The following LIMS2 variants were observed in gnomAD, a reference collection of about 807,000 sequenced individuals.
LIMS2 encodes LIM zinc finger domain containing 2.
LIMS2 carries 30 observed loss-of-function variants against 45.3 expected under a neutral mutation model. That is an observed-to-expected ratio of 0.66 (90% CI 0.50 to 0.90). LIMS2 has a LOEUF of 0.90. Among genes scored for constraint, LIMS2 ranks in the 40% least tolerant of loss-of-function variants. The probability of loss-of-function intolerance (pLI) is 0.00; values close to 1 mark genes in which losing one functional copy is unlikely to be tolerated. For missense variants in LIMS2, 485 were observed against 468.7 expected, an observed-to-expected ratio of 1.03 and a Z score of -0.32; for synonymous variants, 173 against 188.0, an observed-to-expected ratio of 0.92 and a Z score of 0.65.
At position 127,647,977 on chromosome 2, in the gene LIMS2, C is replaced by A; in HGVS notation, c.360-4905G>T. ...CTCTCCTCCACAGCCCCCTTCACAGCCCTCAGCCCTTCCCCAGGGCTTCAG... is the reference window on the plus strand; with the variant it reads ...CTCTCCTCCACAGCCCCCTTCACAGACCTCAGCCCTTCCCCAGGGCTTCAG... On this transcript the variant is annotated intron_variant, in intron 4 of 9. Transcript: ENST00000355119. This position sits in a 1 kb window ranked among gnomAD's most constrained non-coding sequence, Gnocchi z 4.3. 1 of 973,198 alleles carries A rather than the reference C, an allele frequency of 1.0e-6. No homozygotes were observed. Among genetic ancestry groups the A allele is most frequent in the Non-Finnish European group, 1.2e-6 (1 of 818,730 alleles). 60.3% of individuals were successfully genotyped at this position (973,198 alleles called of 1,614,324 possible).
chr2:127,651,927 A>C lies in LIMS2; in HGVS notation c.359+2497T>G, dbSNP rs577635979. 6 of 664,998 alleles carry C rather than the reference A, an allele frequency of 9.0e-6. No homozygotes were observed. The Admixed American group carries it at 1.8e-4, about 19-fold the overall frequency. The allele number at this position is 664,998 out of a possible 1,614,324, so 41.2% of individuals were successfully genotyped here. ...AACCCATAAAAAGGAAGAACTGACA[A>C]AGGGGATCCATCGGCCACCCCTCTG... On this transcript the variant is annotated intron_variant, in intron 4 of 9. Coordinates refer to ENST00000355119, the MANE Select transcript of LIMS2 (RefSeq NM_001161403.3).
chr2:127,670,490 A>G (rs1462773284), intron 1 of LIMS2, among the ~76,000 whole-genome samples: 1 of 152,188 alleles, frequency 6.6e-6, no homozygotes, highest in Non-Finnish European at 1.5e-5. Context: ...GGAAATGAGG[A>G]CTGTCTGCAA....
chr2:127,651,287 G>A (rs1380423336), intron 4 of LIMS2: 11 of 1,607,716 alleles, frequency 6.8e-6, no homozygotes, highest in Non-Finnish European at 8.5e-6. Flanking sequence ...GCCTGCAGCT[G>A]TACCGGGAGA....
chr2:127,651,308 C>T (rs777064497), intron 4 of LIMS2: 1 of 1,609,720 alleles, frequency 6.2e-7, no homozygotes, highest in Non-Finnish European at 8.5e-7. Flanking sequence ...AGGCCTCCCA[C>T]CATGCCCTGG....
chr2:127,639,313 G>T lies in LIMS2; in HGVS notation c.994C>A (p.Gln332Lys). The T allele has an allele frequency of 1.2e-6, 2 of 1,613,892 alleles. No individual in the cohort carries two copies. The highest frequency in any genetic ancestry group is 1.7e-6 in the Non-Finnish European group (2 of 1,179,916). Residue 332 changes from glutamine (Q) to lysine (K), a missense_variant, in exon 10 of 10, where the codon CAG (glutamine) becomes AAG (lysine). Coordinates refer to ENST00000355119, the MANE Select transcript of LIMS2 (RefSeq NM_001161403.3). ...KLSELTSRKA[Q>K]PKATDLNSA ...GAGTTGAGGTCTGTGGCCTTGGGCT[G>T]GGCCTTGCGGGAGGTCAGCTCCGAC...
At chr2:127,669,236 C>T (rs750331155) in intron 1 of LIMS2, among the ~76,000 whole-genome samples, 2 of 152,106 alleles carry the variant, frequency 1.3e-5, no homozygotes, top group Admixed American at 6.6e-5. Context: ...TATAAAACTC[C>T]TAGAAGAAAA....
At chr2:127,675,584 G>A (rs1005013097), upstream of LIMS2, among the ~76,000 whole-genome samples, 3 of 152,052 alleles carry the variant, frequency 2.0e-5, no homozygotes, top group Admixed American at 2.0e-4. Context: ...TAATAAACGC[G>A]AACAAGCACC....
Position 127,639,270 on chromosome 2 carries a change from C to G in LIMS2, c.*11G>C, listed in dbSNP as rs1241994547. 6.2e-7 allele frequency: 1 copy of G among 1,612,572 alleles called. No homozygotes were observed. Among genetic ancestry groups the G allele is most frequent in the Non-Finnish European group, 8.5e-7 (1 of 1,179,390 alleles). ...GCGGAGGGGCCGAGAGGCAGCTGCGCAAGAGGGCCTTCAGGCAGAGTTGAG... is the reference window on the plus strand; with the variant it reads ...GCGGAGGGGCCGAGAGGCAGCTGCGGAAGAGGGCCTTCAGGCAGAGTTGAG... On this transcript the variant is annotated 3_prime_UTR_variant, in exon 10 of 10. Coordinates refer to ENST00000355119, the MANE Select transcript of LIMS2 (RefSeq NM_001161403.3).
At chr2:127,679,674 G>A (rs536796031), upstream of LIMS2, among the ~76,000 whole-genome samples, 904 of 152,248 alleles carry the variant, frequency 5.9e-3, 14 homozygotes, top group African/African-American at 0.02. This position sits in a 1 kb window ranked among gnomAD's most constrained non-coding sequence, Gnocchi z 5.3. Flanking sequence ...CCCAACGCTC[G>A]TGGGAGCTGG....
upstream of LIMS2, among the ~76,000 whole-genome samples, chr2:127,679,211 C>G (rs1685563624): frequency 6.6e-6 from 1 of 152,134 alleles, no homozygotes; most frequent in South Asian, 2.1e-4. The surrounding 1 kb of genome is among the most constrained non-coding windows in gnomAD (Gnocchi z 5.3). Flanking sequence ...AATGCCTCCC[C>G]CAGGAGCACC....
In LIMS2 at chr2:127,639,396, A is replaced by G; in HGVS notation, c.911T>C (p.Val304Ala). The G allele has an allele frequency of 6.2e-7, 1 of 1,613,878 alleles. No individual in the cohort carries two copies. Among genetic ancestry groups the G allele is most frequent in the Non-Finnish European group, 8.5e-7 (1 of 1,179,892 alleles). The change falls in exon 10 of 10, where the codon GTG becomes GCG. Residue 304 changes from valine to alanine, a missense_variant. Physicochemically the swap from Val to Ala is moderately conservative, Grantham distance 64. Coordinates refer to ENST00000355119, the MANE Select transcript of LIMS2 (RefSeq NM_001161403.3). ...GAACTTCTCGTAGCACCTCTTACAC[A>G]CGGGCTTCATGTCGAACTCCACAAA... ...NKFVEFDMKP[V>A]CKRCYEKFPL...
At chr2:127,646,518 AG>A (rs1359199368) in intron 4 of LIMS2, 2 of 152,252 alleles carry the variant, frequency 1.3e-5, no homozygotes, top group Non-Finnish European at 2.9e-5. Flanking sequence ...ACCATTAGGC[AG>A]CCTTGACCCA....
rs1254731844 is a variant in LIMS2 at position 127,672,175 on chromosome 2, T to C, written c.11+2839A>G. ...TGGGTGTCAACATCCCAGGCTCCAT[T>C]TCCAGGAATGCCAGGGACAGCTGGG... On this transcript the variant is annotated intron_variant, in intron 1 of 9. Coordinates refer to ENST00000355119, the MANE Select transcript of LIMS2 (RefSeq NM_001161403.3). The surrounding 1 kb of genome is among the most constrained non-coding windows in gnomAD (Gnocchi z 4.9). Among the ~76,000 whole-genome samples, 1 of 152,206 alleles carries C rather than the reference T, an allele frequency of 6.6e-6. No homozygotes were observed. The highest frequency in any genetic ancestry group is 1.5e-5 in the Non-Finnish European group (1 of 68,034).
chr2:127,673,831 A>T (rs1429328720), intron 1 of LIMS2: 2 of 1,209,120 alleles, frequency 1.7e-6, no homozygotes, highest in African/African-American at 3.0e-5. Context: ...CTAGGGGGTG[A>T]CCACAGGCAG....
intron 4 of LIMS2, among the ~76,000 whole-genome samples, chr2:127,648,548 A>T (rs1364696106): frequency 6.6e-6 from 1 of 152,128 alleles, no homozygotes; most frequent in Admixed American, 6.5e-5. Context: ...GTCCATGAAC[A>T]GTCACCATGC....
In LIMS2 at chr2:127,671,706, C is replaced by T. The variant is rs532835410; in HGVS notation, c.11+3308G>A. ...CCTCCATCCCTATTATGCCACTGGCCGGCTAGAAGGGGCCAGTCAGCACCA... is the reference window on the plus strand; with the variant it reads ...CCTCCATCCCTATTATGCCACTGGCTGGCTAGAAGGGGCCAGTCAGCACCA... On this transcript the variant is annotated intron_variant, in intron 1 of 9. Coordinates refer to ENST00000355119, the MANE Select transcript of LIMS2 (RefSeq NM_001161403.3). This position sits in a 1 kb window ranked among gnomAD's most constrained non-coding sequence, Gnocchi z 4.1. 1.8e-4 allele frequency among the ~76,000 whole-genome samples: 27 copies of T among 152,312 alleles called. No individual in the cohort carries two copies. In the South Asian group the frequency reaches 4.1e-3, roughly 23 times the overall value.
chr2:127,659,767 T>A (rs1558893270), intron 1 of LIMS2, among the ~76,000 whole-genome samples: 1 of 152,186 alleles, frequency 6.6e-6, no homozygotes, highest in Admixed American at 6.5e-5. Flanking sequence ...GCCAGACCTC[T>A]AGACCCCAGT....
intron 4 of LIMS2, among the ~76,000 whole-genome samples, chr2:127,649,238 T>C (rs1001419979): frequency 7.1e-5 from 9 of 126,378 alleles, no homozygotes; most frequent in African/African-American, 2.1e-4. Flanking sequence ...CAGAGTGAAT[T>C]TGCTGCAGGC....
At chr2:127,662,777 AAAACTT>A (rs1428654126) in intron 1 of LIMS2, among the ~76,000 whole-genome samples, 1 of 152,132 alleles carries the variant, frequency 6.6e-6, no homozygotes, top group Non-Finnish European at 1.5e-5. Context: ...CATGTACCCT[AAAACTT>A]AAAGTCTAAT....
Sources: allele counts gnomAD v4.1 joint callset (sites outside exome capture counted in the v4.1 genomes callset), GRCh38; gene constraint gnomAD v4.1.1; non-coding constraint Gnocchi (gnomAD v3.1); transcripts MANE v1.5; gene names NCBI Gene and HGNC (gene_info 2026-07-23, HGNC 2026-07-21).